The following TOLLIP variants were observed in gnomAD, a reference collection of about 807,000 sequenced individuals.
The protein encoded by TOLLIP is toll-interacting protein.
Under a neutral mutation model 33.5 loss-of-function variants are expected in TOLLIP, and 16 were observed. The ratio of observed to expected loss-of-function variants is 0.48; its 90% CI spans 0.32 to 0.72. TOLLIP has a LOEUF of 0.72. Among genes scored for constraint, TOLLIP ranks in the 30% least tolerant of loss-of-function variants. TOLLIP has a pLI of 0.03. For missense variants in TOLLIP, 325 were observed against 396.6 expected (o/e 0.82, Z 1.53); for synonymous variants, 176 against 163.7 (o/e 1.07, Z -0.57).
At chr11:1,306,987 G>A (rs996551112) in intron 1 of TOLLIP, among the ~76,000 whole-genome samples, 4 of 151,470 alleles carry the variant, frequency 2.6e-5, no homozygotes, top group East Asian at 3.9e-4. Context: ...AGCACCTGAC[G>A]CTTAAGATCA....
intron 1 of TOLLIP, among the ~76,000 whole-genome samples, chr11:1,308,034 A>G (rs1370826973): frequency 2.0e-5 from 3 of 152,214 alleles, no homozygotes; most frequent in Non-Finnish European, 4.4e-5. Context: ...ACCTTGGAGC[A>G]TCGTGAAAAA....
chr11:1,295,431 T>TA (rs796861560), intron 2 of TOLLIP: 115 of 538,020 alleles, frequency 2.1e-4, no homozygotes, highest in African/African-American at 1.9e-3. Context: ...CTACACCCAC[T>TA]ACTCATCACT....
chr11:1,301,430 C>T (rs1864274365), intron 1 of TOLLIP, among the ~76,000 whole-genome samples: 1 of 140,318 alleles, frequency 7.1e-6, no homozygotes, highest in East Asian at 2.5e-4. Flanking sequence ...CACAGCAGGT[C>T]TGAGATCGCA....
At chr11:1,293,983 A>T (rs1288181865) in intron 2 of TOLLIP, among the ~76,000 whole-genome samples, 4 of 152,268 alleles carry the variant, frequency 2.6e-5, no homozygotes, top group Non-Finnish European at 4.4e-5. Context: ...CACACCATGA[A>T]GCCCCTGAAA....
In TOLLIP at chr11:1,280,753, G is replaced by A. The variant is rs5743999; in HGVS notation, c.611-3500C>T. ...GGAAAGCAACAGGAGGAGGGAAAGT[G>A]AGGAGGGCCCCAGAGGACAGCGCGG... On this transcript the variant is annotated intron_variant, in intron 5 of 5. Coordinates refer to ENST00000317204, the MANE Select transcript of TOLLIP (RefSeq NM_019009.4). Among the ~76,000 whole-genome samples the A allele has an allele frequency of 3.2e-3, 491 of 152,210 alleles. 5 individuals carry two copies. The highest frequency in any genetic ancestry group is 0.011 in the African/African-American group (465 of 41,534).
chr11:1,277,224 C>A lies in TOLLIP; in HGVS notation c.640G>T (p.Val214Leu), dbSNP rs1255440523. The change falls in exon 6 of 6, where the codon GTG (valine) becomes TTG (leucine). Residue 214 changes from valine to leucine, a missense_variant. By Grantham distance (32) the Val-to-Leu change is conservative (BLOSUM62 1). Coordinates refer to ENST00000317204, the MANE Select transcript of TOLLIP (RefSeq NM_019009.4). The surrounding 1 kb of genome is among the most constrained non-coding windows in gnomAD (Gnocchi z 4.2). Reference protein sequence around the residue: ...GMPAVCSPGMVPVALPPAAVN... With the variant: ...GMPAVCSPGMLPVALPPAAVN... ...GCGGCCGGGGGCAGGGCCACGGGCA[C>A]CATGCCGGGGCTACAGACAGCGGGC... The A allele has an allele frequency of 6.3e-7, 1 of 1,583,454 alleles. No individual in the cohort carries two copies. The highest frequency in any genetic ancestry group is 1.7e-5 in the Admixed American group (1 of 57,446).
chr11:1,276,699 C>A lies in TOLLIP; in HGVS notation c.*340G>T, dbSNP rs1863314639. The A allele has an allele frequency of 7.1e-7, 1 of 1,413,358 alleles. No individual in the cohort carries two copies. Among genetic ancestry groups the A allele is most frequent in the South Asian group, 1.2e-5 (1 of 82,168 alleles). 87.6% of individuals were successfully genotyped at this position (1,413,358 alleles called of 1,614,324 possible). ...ATGCCATGAATGGAATCGGAAGGCG[C>A]TCCACCACCTCCAACACCCTGGCAG... On this transcript the variant is annotated 3_prime_UTR_variant, in exon 6 of 6. Transcript: ENST00000317204.
intron 4 of TOLLIP, among the ~76,000 whole-genome samples, chr11:1,287,239 T>C (rs1002703740): frequency 2.6e-5 from 4 of 152,222 alleles, no homozygotes; most frequent in African/African-American, 9.6e-5. Flanking sequence ...AGCGTCATGA[T>C]GGTTCTGTGT....
chr11:1,309,246 G>A (rs1023992670), intron 1 of TOLLIP, among the ~76,000 whole-genome samples: 5 of 152,118 alleles, frequency 3.3e-5, no homozygotes, highest in African/African-American at 9.7e-5. Context: ...CCGGCACGGC[G>A]GTGAGCTCAA....
rs1369164381 is a variant in TOLLIP, at chr11:1,276,486, C to T, written c.*553G>A. The T allele has an allele frequency of 2.6e-6, 1 of 381,234 alleles. No individual in the cohort carries two copies. The highest frequency in any genetic ancestry group is 4.9e-6 in the Non-Finnish European group (1 of 204,420). The allele number at this position is 381,234 out of a possible 1,614,324, so 23.6% of individuals were successfully genotyped here. A position where few individuals can be genotyped will look rare whatever the true frequency, so the allele number is the denominator to read the frequency against. On this transcript the variant is annotated 3_prime_UTR_variant, in exon 6 of 6. Coordinates refer to ENST00000317204, the MANE Select transcript of TOLLIP (RefSeq NM_019009.4). ...AGGTGAGCCAGGCCAGAGGCCGGCC[C>T]CACACCATCCACAGGAAGCTGCTCA...
At chr11:1,281,514 C>T (rs2133883299) in intron 5 of TOLLIP, among the ~76,000 whole-genome samples, 1 of 148,912 alleles carries the variant, frequency 6.7e-6, no homozygotes, top group African/African-American at 2.5e-5. Flanking sequence ...CTAATGTGCA[C>T]AGTGAGCCCC....
chr11:1,284,087 G>A (rs1448433391), intron 5 of TOLLIP, among the ~76,000 whole-genome samples: 3 of 152,206 alleles, frequency 2.0e-5, no homozygotes, highest in Non-Finnish European at 4.4e-5. Flanking sequence ...CCACTCTGGG[G>A]GGCAGCCAGG....
At chr11:1,301,590 G>A (rs1229257577) in intron 1 of TOLLIP, among the ~76,000 whole-genome samples, 1 of 152,148 alleles carries the variant, frequency 6.6e-6, no homozygotes, top group African/African-American at 2.4e-5. Context: ...CCTCCCCCAA[G>A]AACCCCTTGT....
intron 5 of TOLLIP, among the ~76,000 whole-genome samples, chr11:1,285,147 A>G (rs1043634146): frequency 6.6e-6 from 1 of 151,158 alleles, no homozygotes; most frequent in Admixed American, 6.6e-5. Flanking sequence ...CTCCCCTAAC[A>G]CCACCTCCCC....
rs1468548289 is a variant in TOLLIP at position 1,290,256 on chromosome 11, C to T, written c.337G>A (p.Asp113Asn). The part of the protein sequence containing the change: ...VIHCTVPPGV[D>N]SFYLEIFDER... ...TCGAAGATCTCGAGATAGAAAGAGT[C>T]CACGCCTGGGGGCACCGTGCAGTGG... The change falls in exon 3 of 6, where the codon GAC becomes AAC. Residue 113 changes from aspartate (D) to asparagine (N), a missense_variant. By Grantham distance (23) the Asp-to-Asn change is conservative. Coordinates refer to ENST00000317204, the MANE Select transcript of TOLLIP (RefSeq NM_019009.4). The surrounding 1 kb of genome is among the most constrained non-coding windows in gnomAD (Gnocchi z 4.9). 2 of 1,613,452 alleles carry T rather than the reference C, an allele frequency of 1.2e-6. No individual in the cohort carries two copies. The highest frequency in any genetic ancestry group is 8.5e-7 in the Non-Finnish European group (1 of 1,179,950).
intron 1 of TOLLIP, among the ~76,000 whole-genome samples, chr11:1,305,286 G>A (rs1191762984): frequency 2.6e-5 from 4 of 152,198 alleles, no homozygotes; most frequent in African/African-American, 4.8e-5. Flanking sequence ...TGCGTTCCCC[G>A]CTGGCTCAGG....
At chr11:1,292,540 G>A (rs1863982699) in intron 2 of TOLLIP, among the ~76,000 whole-genome samples, 1 of 152,210 alleles carries the variant, frequency 6.6e-6, no homozygotes, top group African/African-American at 2.4e-5. Context: ...AAAACTCTAG[G>A]ATGAGCGTCC....
chr11:1,285,348 G>A (rs1277938357), intron 5 of TOLLIP, among the ~76,000 whole-genome samples: 3 of 152,248 alleles, frequency 2.0e-5, no homozygotes, highest in Admixed American at 6.5e-5. Flanking sequence ...CCTCTCAGGG[G>A]CTGCGGTCTC....
intron 1 of TOLLIP, among the ~76,000 whole-genome samples, chr11:1,301,602 C>T (rs1864280379): frequency 6.6e-6 from 1 of 152,190 alleles, no homozygotes; most frequent in African/African-American, 2.4e-5. Flanking sequence ...ACCCCTTGTG[C>T]CCTCTCAGGG....
Sources: allele counts gnomAD v4.1 joint callset (sites outside exome capture counted in the v4.1 genomes callset), GRCh38; gene constraint gnomAD v4.1.1; non-coding constraint Gnocchi (gnomAD v3.1); transcripts MANE v1.5; gene names NCBI Gene and HGNC (gene_info 2026-07-23, HGNC 2026-07-21).